The following TAFA2 variants were observed in gnomAD, a reference collection of about 807,000 sequenced individuals.
TAFA2 encodes the protein chemokine-like protein TAFA-2.
TAFA2 carries 7 observed loss-of-function variants against 18.8 expected under a neutral mutation model. The observed-to-expected ratio is 0.37, with a 90% CI of 0.21 to 0.70. The LOEUF is 0.70. Among genes scored for constraint, TAFA2 ranks in the 30% least tolerant of loss-of-function variants. TAFA2 has a pLI of 0.53. For synonymous variants in TAFA2, 60 were observed against 54.2 expected (o/e 1.11, Z -0.47); for missense variants, 122 against 158.1 (o/e 0.77, Z 1.23).
intron 1 of TAFA2, among the ~76,000 whole-genome samples, chr12:62,099,424 A>T (rs1869091203): frequency 6.6e-6 from 1 of 152,190 alleles, no homozygotes; most frequent in Non-Finnish European, 1.5e-5. Flanking sequence ...CGCTCCAGAA[A>T]CCTCACAAAA....
At chr12:62,245,853 C>T (rs2136992052) in intron 1 of TAFA2, among the ~76,000 whole-genome samples, 1 of 149,786 alleles carries the variant, frequency 6.7e-6, no homozygotes, top group East Asian at 2.0e-4. Context: ...ATTTCTGTAG[C>T]TTATTCTGTT....
chr12:61,863,874 A>T (rs976403536), intron 2 of TAFA2, among the ~76,000 whole-genome samples: 5 of 152,168 alleles, frequency 3.3e-5, no homozygotes, highest in Non-Finnish European at 5.9e-5. Context: ...GCTAATGGCC[A>T]ATGGACACAA....
chr12:62,054,109 T>C (rs1277847400), intron 1 of TAFA2, among the ~76,000 whole-genome samples: 1 of 152,176 alleles, frequency 6.6e-6, no homozygotes, highest in Admixed American at 6.5e-5. Flanking sequence ...GTACTTCCAG[T>C]GACTAACAGT....
chr12:61,991,977 C>T, intron 1 of TAFA2, among the ~76,000 whole-genome samples: 1 of 152,198 alleles, frequency 6.6e-6, no homozygotes, highest in Non-Finnish European at 1.5e-5. Context: ...CACTTTCAGT[C>T]TTCTTTGCTG....
intron 1 of TAFA2, among the ~76,000 whole-genome samples, chr12:62,037,823 C>G (rs1881650481): frequency 6.6e-6 from 1 of 152,154 alleles, no homozygotes; most frequent in Non-Finnish European, 1.5e-5. Context: ...TACCGCCTGA[C>G]AGATGATTTA....
At chr12:61,939,137 C>A (rs1369488468) in intron 1 of TAFA2, among the ~76,000 whole-genome samples, 1 of 152,002 alleles carries the variant, frequency 6.6e-6, no homozygotes, top group Admixed American at 6.6e-5. Context: ...AGTTAAACTG[C>A]CAAAGAATAG....
chr12:61,920,702 C>T (rs1877014833), intron 1 of TAFA2, among the ~76,000 whole-genome samples: 1 of 152,012 alleles, frequency 6.6e-6, no homozygotes, highest in Admixed American at 6.6e-5. Context: ...TTCCTTCTGT[C>T]AGTTTAATTT....
chr12:62,221,507 A>T (rs1183281441), intron 1 of TAFA2, among the ~76,000 whole-genome samples: 1 of 152,164 alleles, frequency 6.6e-6, no homozygotes, highest in African/African-American at 2.4e-5. Context: ...TCAGGGAAAA[A>T]CAAATAGATC....
intron 2 of TAFA2, 57 bp from the exon 3 acceptor site, chr12:61,755,081 C>A: frequency 6.4e-7 from 1 of 1,567,484 alleles, no homozygotes; most frequent in Admixed American, 1.7e-5. Context: ...CTTCCCCCCA[C>A]CCTTCTTTTT....
chr12:62,042,432 CGTGTGTGT>C (rs71450572), intron 1 of TAFA2, among the ~76,000 whole-genome samples: 1 of 143,500 alleles, frequency 7.0e-6, no homozygotes, highest in Non-Finnish European at 1.5e-5. Context: ...TGTGTGTGCG[CGTGTGTGT>C]GTGTGTGTGT....
chr12:62,006,380 C>T (rs1880550726), intron 1 of TAFA2, among the ~76,000 whole-genome samples: 1 of 121,182 alleles, frequency 8.3e-6, no homozygotes, highest in South Asian at 2.7e-4. Flanking sequence ...ATAAATTTCA[C>T]GTGGATAGCA....
chr12:62,237,948 G>A (rs74095726), intron 1 of TAFA2, among the ~76,000 whole-genome samples: 1,683 of 152,300 alleles, frequency 0.011, 33 homozygotes, highest in African/African-American at 0.039. Flanking sequence ...CTGCTTTTAC[G>A]TCTCTGGCTG....
chr12:61,984,366 C>A (rs949465507), intron 1 of TAFA2, among the ~76,000 whole-genome samples: 20 of 152,176 alleles, frequency 1.3e-4, no homozygotes, highest in South Asian at 6.2e-4. Context: ...AGGAGAACCC[C>A]GGTCTTGTCA....
At chr12:62,215,746 C>CAA (rs200803405) in intron 1 of TAFA2, among the ~76,000 whole-genome samples, 23 of 72,570 alleles carry the variant, frequency 3.2e-4, no homozygotes, top group African/African-American at 8.9e-4. Flanking sequence ...ACTTGTTTCT[C>CAA]AAAAAAAAAA....
intron 1 of TAFA2, among the ~76,000 whole-genome samples, chr12:62,251,568 A>T (rs2062913817): frequency 6.6e-6 from 1 of 152,186 alleles, no homozygotes; most frequent in Non-Finnish European, 1.5e-5. Context: ...GATGGAAAAT[A>T]GCCTGTAAAG....
At chr12:61,806,369 A>C (rs1221238721) in intron 2 of TAFA2, among the ~76,000 whole-genome samples, 1 of 152,146 alleles carries the variant, frequency 6.6e-6, no homozygotes, top group African/African-American at 2.4e-5. Context: ...GCCTCCATGT[A>C]ATATGTGCCT....
chr12:61,865,425 CA>C (rs938331478), intron 2 of TAFA2, among the ~76,000 whole-genome samples: 12 of 152,008 alleles, frequency 7.9e-5, no homozygotes, highest in Admixed American at 7.9e-4. Context: ...GAAAAAAGAA[CA>C]AAAGGAAGAA....
At chr12:62,004,792 C>T (rs1309326579) in intron 1 of TAFA2, among the ~76,000 whole-genome samples, 1 of 151,870 alleles carries the variant, frequency 6.6e-6, no homozygotes, top group Non-Finnish European at 1.5e-5. Flanking sequence ...TGTCTATCGA[C>T]GGGTGAATGG....
intron 1 of TAFA2, among the ~76,000 whole-genome samples, chr12:61,947,602 T>G (rs1411693047): frequency 6.7e-6 from 1 of 149,216 alleles, no homozygotes; most frequent in East Asian, 2.1e-4. Flanking sequence ...ATTCGGTCAG[T>G]TTGTTGAAAA....
Sources: gnomAD v4.1 joint callset for allele counts (sites outside exome capture counted in the v4.1 genomes callset) on GRCh38, gnomAD v4.1.1 for gene constraint, MANE v1.5 for transcripts, NCBI Gene and HGNC (gene_info 2026-07-23, HGNC 2026-07-21) for gene names.